HECW2: variants seen among roughly 807,000 people sequenced by gnomAD.
HECW2 encodes the protein HECT, C2 and WW domain containing E3 ubiquitin protein ligase 2, also known as E3 ubiquitin-protein ligase HECW2.
HECW2 carries 61 observed loss-of-function variants against 175.2 expected under a neutral mutation model. That is an observed-to-expected ratio of 0.35 (90% CI 0.28 to 0.43). The LOEUF (loss-of-function observed/expected upper bound fraction) is 0.43. Among genes scored for constraint, HECW2 ranks in the 20% least tolerant of loss-of-function variants. The probability of loss-of-function intolerance (pLI) is 1.00; values close to 1 mark genes in which losing one functional copy is unlikely to be tolerated. For missense variants in HECW2, 1,524 were observed against 2,000.5 expected (o/e 0.76, Z 4.54); for synonymous variants, 671 against 731.0 (o/e 0.92, Z 1.32).
At chr2:196,571,944 A>T (rs1690404124) in intron 1 of HECW2, among the ~76,000 whole-genome samples, 1 of 152,216 alleles carries the variant, frequency 6.6e-6, no homozygotes, top group South Asian at 2.1e-4. Context: ...GAAATATTTC[A>T]GTCTTACAAG....
intron 1 of HECW2, among the ~76,000 whole-genome samples, chr2:196,458,764 G>A (rs1270439697): frequency 2.6e-5 from 4 of 152,174 alleles, no homozygotes; most frequent in Non-Finnish European, 5.9e-5. Context: ...TACTCAGCAG[G>A]CTGAGGCAGG....
intron 16 of HECW2, among the ~76,000 whole-genome samples, chr2:196,273,318 C>T (rs558619940): frequency 4.9e-4 from 75 of 152,196 alleles, no homozygotes; most frequent in African/African-American, 1.7e-3. Context: ...CTGCCCATCT[C>T]GGCCTCCCAA....
At chr2:196,593,316 G>A (rs1474038989) in intron 1 of HECW2, among the ~76,000 whole-genome samples, 192 bp downstream of exon 1, 1 of 150,730 alleles carries the variant, frequency 6.6e-6, no homozygotes, top group African/African-American at 2.4e-5. Flanking sequence ...GAGGTTTGTG[G>A]CCGAGCGCGG....
chr2:196,434,386 A>T (rs919077630), intron 1 of HECW2, among the ~76,000 whole-genome samples: 1 of 152,056 alleles, frequency 6.6e-6, no homozygotes, highest in Non-Finnish European at 1.5e-5. Flanking sequence ...ATGATAAGCT[A>T]TTTCCTTTGG....
chr2:196,478,632 TATC>T (rs1456091655), intron 1 of HECW2, among the ~76,000 whole-genome samples: 1 of 151,994 alleles, frequency 6.6e-6, no homozygotes, highest in Non-Finnish European at 1.5e-5. Context: ...ATGAAGAACT[TATC>T]ATTAAAAAAA....
intron 23 of HECW2, 83 bp downstream of exon 23, chr2:196,225,687 CAA>C: frequency 1.2e-6 from 1 of 820,438 alleles, no homozygotes; most frequent in Non-Finnish European, 2.1e-6. Flanking sequence ...AACAGATAAA[CAA>C]TGACTTTGAC....
At chr2:196,456,551 T>C (rs1696521684) in intron 1 of HECW2, among the ~76,000 whole-genome samples, 1 of 152,180 alleles carries the variant, frequency 6.6e-6, no homozygotes, top group East Asian at 1.9e-4. Flanking sequence ...ACTGCAAACA[T>C]GGTCTGAGCT....
chr2:196,414,794 T>C (rs1218470962), intron 2 of HECW2, among the ~76,000 whole-genome samples: 1 of 152,150 alleles, frequency 6.6e-6, no homozygotes, highest in East Asian at 1.9e-4. Flanking sequence ...CATGTGTTCT[T>C]GCCCCAACAA....
chr2:196,567,400 G>A (rs1690224834), intron 1 of HECW2, among the ~76,000 whole-genome samples: 1 of 152,210 alleles, frequency 6.6e-6, no homozygotes, highest in Admixed American at 6.5e-5. Flanking sequence ...CAGAAGTGGT[G>A]TGCTGATGTT....
chr2:196,325,021 T>C lies in HECW2; in HGVS notation c.700A>G (p.Thr234Ala), dbSNP rs1057520120. Residue 234 changes from threonine to alanine, a missense_variant, in exon 6 of 29, where the codon ACT becomes GCT. Thr to Ala is a moderately conservative substitution (Grantham distance 58). Coordinates refer to ENST00000644978, the MANE Select transcript of HECW2 (RefSeq NM_001348768.2). ...GGATTGGTGGTGTTACTGATGATAG[T>C]AGACCGTCTCTCCTGCCCGTGGTGG... Reference protein sequence around the residue: ...CAHHGQERRSTIISNTTNPIW... With the variant: ...CAHHGQERRSAIISNTTNPIW... The C allele has an allele frequency of 2.5e-6, 4 of 1,605,664 alleles. No homozygotes were observed. Among genetic ancestry groups the C allele is most frequent in the Non-Finnish European group, 3.4e-6 (4 of 1,177,532 alleles).
chr2:196,503,224 C>T, intron 1 of HECW2, among the ~76,000 whole-genome samples: 1 of 152,078 alleles, frequency 6.6e-6, no homozygotes, highest in East Asian at 1.9e-4. Context: ...ACAAAGAACC[C>T]CAAACAACCC....
At chr2:196,270,627 C>T (rs566848659) in intron 17 of HECW2, among the ~76,000 whole-genome samples, 40 of 152,164 alleles carry the variant, frequency 2.6e-4, no homozygotes, top group African/African-American at 8.7e-4. Flanking sequence ...CTAGGATAAA[C>T]GCTTGGCTTA....
At chr2:196,386,663 C>T (rs1414270905) in intron 2 of HECW2, among the ~76,000 whole-genome samples, 1 of 152,158 alleles carries the variant, frequency 6.6e-6, no homozygotes, top group Non-Finnish European at 1.5e-5. Context: ...GCCTCAGGGA[C>T]AAGACCATCT....
chr2:196,319,911 G>A lies in HECW2; in HGVS notation c.986-7C>T, dbSNP rs1691877251. 1.3e-6 allele frequency: 2 copies of A among 1,572,208 alleles called. No individual in the cohort carries two copies. The highest frequency in any genetic ancestry group is 4.5e-5 in the East Asian group (2 of 44,282). ...ACAGCTTCTGGAGAGGCATCTGAAT[G>A]AGAAAACAGCATTTCTAAAAAATTA... On this transcript the variant is annotated splice_region_variant and splice_polypyrimidine_tract_variant and intron_variant, in intron 8 of 28. Transcript: ENST00000644978.
At chr2:196,314,815 A>G (rs926230448) in intron 10 of HECW2, among the ~76,000 whole-genome samples, 1 of 152,216 alleles carries the variant, frequency 6.6e-6, no homozygotes. Flanking sequence ...AGATGGGCCA[A>G]TCTGCACGAT....
intron 1 of HECW2, among the ~76,000 whole-genome samples, chr2:196,461,232 G>T (rs1696732389): frequency 1.3e-5 from 2 of 152,130 alleles, no homozygotes; most frequent in South Asian, 4.1e-4. Flanking sequence ...AAACATGTCA[G>T]AAGAATTACA....
intron 1 of HECW2, among the ~76,000 whole-genome samples, chr2:196,434,449 G>A (rs1026354779): frequency 1.2e-4 from 19 of 152,188 alleles, no homozygotes; most frequent in African/African-American, 3.6e-4. Context: ...TTCCCTGTTG[G>A]AACTTAGACA....
At chr2:196,370,747 C>T (rs185509757) in intron 2 of HECW2, among the ~76,000 whole-genome samples, 60 of 152,302 alleles carry the variant, frequency 3.9e-4, no homozygotes, top group Middle Eastern at 3.4e-3. Context: ...GATCTAAATG[C>T]TCCCTCTGTG....
chr2:196,308,692 T>C (rs1177298105), intron 10 of HECW2, among the ~76,000 whole-genome samples: 1 of 152,232 alleles, frequency 6.6e-6, no homozygotes, highest in African/African-American at 2.4e-5. Context: ...CAACCTCAAA[T>C]AAACATAACG....
Sources: gnomAD v4.1 joint callset for allele counts (sites outside exome capture counted in the v4.1 genomes callset) on GRCh38, gnomAD v4.1.1 for gene constraint, MANE v1.5 for transcripts, NCBI Gene and HGNC (gene_info 2026-07-23, HGNC 2026-07-21) for gene names.